MMP26: variants seen among roughly 807,000 people sequenced by gnomAD.
The protein encoded by MMP26 is matrix metalloproteinase-26.
Under a neutral mutation model 31.0 loss-of-function variants are expected in MMP26, and 33 were observed. That is an observed-to-expected ratio of 1.06 (90% confidence interval 0.81 to 1.42). The LOEUF (loss-of-function observed/expected upper bound fraction) is 1.42. MMP26 is among the 40% of genes most tolerant of loss of function. The pLI, the probability that MMP26 is intolerant of heterozygous loss-of-function variation, is 0.00. For missense variants in MMP26, 347 were observed against 316.1 expected, an observed-to-expected ratio of 1.10 and a Z score of -0.74; for synonymous variants, 122 against 114.9, an observed-to-expected ratio of 1.06 and a Z score of -0.40.
chr11:4,742,032 A>G (rs544859911), intron 1 of MMP26, among the ~76,000 whole-genome samples: 10 of 152,338 alleles, frequency 6.6e-5, no homozygotes, highest in African/African-American at 2.2e-4. Context: ...GTGAGATAGT[A>G]CTTCTAAGAA....
rs759377059 is a variant in MMP26, at chr11:4,991,538, AC to A, written c.595+44del. ...GTGGGATCGCTAGAACTCTCTGGGA[AC>A]CTGGGGTTCAGTGTTGATGGTTTCC... On this transcript the variant is annotated intron_variant, in intron 6 of 7. Transcript: ENST00000380390. 654 of 1,604,056 alleles carry A rather than the reference AC, an allele frequency of 4.1e-4. 1 individual carries two copies. Among genetic ancestry groups the A allele is most frequent in the Middle Eastern group, 3.0e-3 (18 of 5,978 alleles).
At chr11:4,890,813 C>T (rs1158360560) in intron 2 of MMP26, among the ~76,000 whole-genome samples, 1 of 151,902 alleles carries the variant, frequency 6.6e-6, no homozygotes, top group Non-Finnish European at 1.5e-5. Flanking sequence ...TGGGTACTTG[C>T]ATACATCCCT....
intron 2 of MMP26, among the ~76,000 whole-genome samples, chr11:4,873,334 A>G (rs555208275): frequency 4.6e-5 from 7 of 152,180 alleles, no homozygotes; most frequent in Non-Finnish European, 8.8e-5. Flanking sequence ...ACTACATGTG[A>G]ATTCTAGTAG....
At chr11:4,915,403 C>T (rs762623731) in intron 2 of MMP26, 4 of 1,613,996 alleles carry the variant, frequency 2.5e-6, no homozygotes, top group Non-Finnish European at 3.4e-6. Context: ...AAAAGATGCC[C>T]AGGACTGTAG....
intron 2 of MMP26, chr11:4,943,528 A>G (rs1846248018): frequency 2.2e-6 from 1 of 455,754 alleles, no homozygotes; most frequent in Admixed American, 2.4e-5. Context: ...GTGCTAGATA[A>G]TTCTTTTGGG....
At chr11:4,882,548 C>T in intron 2 of MMP26, 1 of 1,613,844 alleles carries the variant, frequency 6.2e-7, no homozygotes, top group Non-Finnish European at 8.5e-7. Flanking sequence ...ATTGTTTATT[C>T]TTTTCTCCTA....
intron 2 of MMP26, among the ~76,000 whole-genome samples, chr11:4,969,524 T>C (rs1564816913): frequency 6.6e-6 from 1 of 152,056 alleles, no homozygotes; most frequent in Non-Finnish European, 1.5e-5. Flanking sequence ...ACCCTTTTTA[T>C]ATGACAGGCA....
At chr11:4,946,322 G>T in intron 2 of MMP26, 1 of 1,613,894 alleles carries the variant, frequency 6.2e-7, no homozygotes, top group South Asian at 1.1e-5. Context: ...GTGGACAACG[G>T]CCAGGTTGAT....
intron 2 of MMP26, chr11:4,786,864 C>G (rs1848953904): frequency 6.6e-6 from 1 of 152,414 alleles, no homozygotes; most frequent in Non-Finnish European, 1.5e-5. Context: ...TCCTTCTGAG[C>G]ACAGTTGCTC....
intron 1 of MMP26, among the ~76,000 whole-genome samples, chr11:4,727,220 A>G (rs899646811): frequency 6.6e-6 from 1 of 152,214 alleles, no homozygotes; most frequent in Non-Finnish European, 1.5e-5. Context: ...CATTTGCTTT[A>G]AAGGTAACAT....
intron 2 of MMP26, among the ~76,000 whole-genome samples, chr11:4,978,739 A>G (rs1162812227): frequency 6.6e-6 from 1 of 152,092 alleles, no homozygotes; most frequent in Non-Finnish European, 1.5e-5. Context: ...GTGTAATTTC[A>G]TTACTTTGTC....
intron 2 of MMP26, among the ~76,000 whole-genome samples, chr11:4,979,465 C>A (rs1713915665): frequency 6.6e-6 from 1 of 152,110 alleles, no homozygotes; most frequent in African/African-American, 2.4e-5. Context: ...TGAATTGGCA[C>A]TGATACCTCT....
chr11:4,926,591 T>C (rs1050712380), intron 2 of MMP26, among the ~76,000 whole-genome samples: 9 of 152,168 alleles, frequency 5.9e-5, no homozygotes, highest in African/African-American at 9.6e-5. Context: ...CCAGAAACCT[T>C]TGGAGGTCAT....
intron 2 of MMP26, among the ~76,000 whole-genome samples, chr11:4,835,203 G>GACACACACACACACACACACACACACAC (rs3064937): frequency 7.0e-6 from 1 of 143,126 alleles, no homozygotes; most frequent in African/African-American, 2.7e-5. Flanking sequence ...CTCTCTTTCT[G>GACACACACACACACACACACACACACAC]ACACACACAC....
chr11:4,936,847 G>A (rs924320346), intron 2 of MMP26, among the ~76,000 whole-genome samples: 1 of 151,996 alleles, frequency 6.6e-6, no homozygotes, highest in East Asian at 1.9e-4. Context: ...GAATAATATA[G>A]CTTTTGCAGT....
intron 2 of MMP26, among the ~76,000 whole-genome samples, chr11:4,774,437 G>A (rs1848765716): frequency 6.6e-6 from 1 of 152,142 alleles, no homozygotes; most frequent in Non-Finnish European, 1.5e-5. Context: ...TTTGAGAAGT[G>A]TCTGTTTATG....
chr11:4,903,735 A>G (rs921707904), intron 2 of MMP26: 2 of 152,148 alleles, frequency 1.3e-5, no homozygotes, highest in Non-Finnish European at 1.5e-5. Context: ...CTCTAGATAA[A>G]GTGGAAGTGA....
chr11:4,929,960 T>C (rs1355656814), intron 2 of MMP26, among the ~76,000 whole-genome samples: 4 of 152,084 alleles, frequency 2.6e-5, no homozygotes, highest in African/African-American at 4.8e-5. Context: ...ATAAAAACAA[T>C]CAATGTTCTT....
intron 2 of MMP26, among the ~76,000 whole-genome samples, chr11:4,887,584 C>T (rs1244382064): frequency 6.6e-6 from 1 of 152,108 alleles, no homozygotes; most frequent in East Asian, 1.9e-4. Context: ...TATAGTTACT[C>T]CTTACTTCTT....
Sources: gnomAD v4.1 joint callset for allele counts (sites outside exome capture counted in the v4.1 genomes callset) on GRCh38, gnomAD v4.1.1 for gene constraint, MANE v1.5 for transcripts, NCBI Gene and HGNC (gene_info 2026-07-23, HGNC 2026-07-21) for gene names.